The following PYHIN1 variants were observed in gnomAD, a reference collection of about 807,000 sequenced individuals.
PYHIN1 encodes pyrin and HIN domain-containing protein 1.
A neutral mutation model predicts 43.7 loss-of-function variants in PYHIN1; 32 were observed. That is an observed-to-expected ratio of 0.73 (90% CI 0.55 to 0.98). PYHIN1 has a LOEUF of 0.98. Ranked by LOEUF, PYHIN1 falls within the 50% of genes least tolerant of loss-of-function variation. The pLI is 0.00. For missense variants in PYHIN1, 588 were observed against 589.5 expected, an observed-to-expected ratio of 1.00 and a Z score of 0.03; for synonymous variants, 205 against 203.1, an observed-to-expected ratio of 1.01 and a Z score of -0.08.
At chr1:158,985,351 T>C in the PYHIN1 span, among the ~76,000 whole-genome samples, 1 of 152,218 alleles carries the variant, frequency 6.6e-6, no homozygotes, top group Non-Finnish European at 1.5e-5. Context: ...GGCCTAATGG[T>C]AACAAATTCG....
rs1170616833 is a variant in PYHIN1 at position 158,933,534 on chromosome 1, C to G, written c.-21+1758C>G. On this transcript the variant is annotated intron_variant, in intron 1 of 8. Coordinates refer to ENST00000368140, the MANE Select transcript of PYHIN1 (RefSeq NM_152501.5). This position sits in a 1 kb window ranked among gnomAD's most constrained non-coding sequence, Gnocchi z 6.3. ...AAATTTTTTTTCATCTTTCAGTGATCTTTTACTGACAACATACATATAGAA... is the reference window on the plus strand; with the variant it reads ...AAATTTTTTTTCATCTTTCAGTGATGTTTTACTGACAACATACATATAGAA... Among the ~76,000 whole-genome samples, 1 of 151,746 alleles carries G rather than the reference C, an allele frequency of 6.6e-6. No individual in the cohort carries two copies. Among genetic ancestry groups the G allele is most frequent in the Non-Finnish European group, 1.5e-5 (1 of 67,866 alleles).
intron 7 of PYHIN1, among the ~76,000 whole-genome samples, chr1:158,951,675 T>C (rs1020787765): frequency 5.3e-5 from 8 of 152,298 alleles, no homozygotes; most frequent in Middle Eastern, 3.4e-3. Flanking sequence ...TACTAGACTT[T>C]TTGGGAATGA....
chr1:158,953,201 A>C (rs1557834156), intron 7 of PYHIN1, among the ~76,000 whole-genome samples: 10 of 145,574 alleles, frequency 6.9e-5, no homozygotes, highest in Admixed American at 4.8e-4. Context: ...GCCCAGGCTT[A>C]TTAGGTAAAC....
At chr1:158,988,955 A>G in the PYHIN1 span, among the ~76,000 whole-genome samples, 1 of 152,178 alleles carries the variant, frequency 6.6e-6, no homozygotes, top group Non-Finnish European at 1.5e-5. Context: ...TTCAGCTGAC[A>G]TGCTGTCAGC....
At chr1:158,974,383 T>G (rs1047846818) in intron 8 of PYHIN1, among the ~76,000 whole-genome samples, 1 of 152,104 alleles carries the variant, frequency 6.6e-6, no homozygotes, top group African/African-American at 2.4e-5. Context: ...AATAATAAAG[T>G]GTTTTTCAAC....
rs959228932 is a variant in PYHIN1, at chr1:158,933,120, C to G, written c.-21+1344C>G. ...TATAAGACGGTATTTTCTTGTACTCCTCTCAAATTCATATATATAATATAT... is the reference window on the plus strand; with the variant it reads ...TATAAGACGGTATTTTCTTGTACTCGTCTCAAATTCATATATATAATATAT... On this transcript the variant is annotated intron_variant, in intron 1 of 8. Coordinates refer to ENST00000368140, the MANE Select transcript of PYHIN1 (RefSeq NM_152501.5). This position sits in a 1 kb window ranked among gnomAD's most constrained non-coding sequence, Gnocchi z 6.3. 1.3e-5 allele frequency among the ~76,000 whole-genome samples: 2 copies of G among 151,670 alleles called. No homozygotes were observed. The highest frequency in any genetic ancestry group is 2.1e-4 in the South Asian group (1 of 4,810).
intron 6 of PYHIN1, among the ~76,000 whole-genome samples, chr1:158,944,194 T>C (rs536147678): frequency 6.6e-6 from 1 of 152,298 alleles, no homozygotes; most frequent in African/African-American, 2.4e-5. Context: ...AAACTTGTGC[T>C]AAATATTAAA....
chr1:158,970,482 C>T (rs1366312131), intron 7 of PYHIN1, among the ~76,000 whole-genome samples: 2 of 151,946 alleles, frequency 1.3e-5, no homozygotes, highest in East Asian at 1.9e-4. Context: ...TATCACATCC[C>T]CTCTACGTCC....
At chr1:158,943,255 C>T (rs1200395837) in intron 5 of PYHIN1, among the ~76,000 whole-genome samples, 1 of 152,122 alleles carries the variant, frequency 6.6e-6, no homozygotes, top group Non-Finnish European at 1.5e-5. Context: ...GAGTAATAGC[C>T]TTGATGAGCA....
At chr1:158,989,472 C>T in the PYHIN1 span, among the ~76,000 whole-genome samples, 1 of 152,108 alleles carries the variant, frequency 6.6e-6, no homozygotes, top group Admixed American at 6.5e-5. Flanking sequence ...ATGAAGTAAG[C>T]TGAGAGCATT....
chr1:158,983,953 G>T, the PYHIN1 span, among the ~76,000 whole-genome samples: 3 of 150,230 alleles, frequency 2.0e-5, no homozygotes, highest in Non-Finnish European at 3.0e-5. Flanking sequence ...GTCTTTGAGA[G>T]TTTTTGTATT....
chr1:158,933,847 AATC>A lies in PYHIN1; in HGVS notation c.-21+2073_-21+2075del, dbSNP rs929246002. Reference sequence around the variant, plus strand: ...TTCTTTTTAAGTCATAGGCACACATAATCAAGTTCGTTTTTCATTCTTACTTGT... The same window carrying A: ...TTCTTTTTAAGTCATAGGCACACATAAAGTTCGTTTTTCATTCTTACTTGT... On this transcript the variant is annotated intron_variant, in intron 1 of 8. Transcript: ENST00000368140. The surrounding 1 kb of genome is among the most constrained non-coding windows in gnomAD (Gnocchi z 6.3). 5.3e-5 allele frequency among the ~76,000 whole-genome samples: 8 copies of A among 152,056 alleles called. No individual in the cohort carries two copies. Among genetic ancestry groups the A allele is most frequent in the Middle Eastern group, 3.2e-3 (1 of 316 alleles).
chr1:158,932,172 C>T (rs192220176), intron 1 of PYHIN1, among the ~76,000 whole-genome samples: 83 of 152,194 alleles, frequency 5.5e-4, no homozygotes, highest in Admixed American at 1.4e-3. Context: ...AACATGGATA[C>T]GGCTAGAGAA....
At chr1:158,967,395 G>A (rs1461843730) in intron 7 of PYHIN1, among the ~76,000 whole-genome samples, 1 of 151,754 alleles carries the variant, frequency 6.6e-6, no homozygotes, top group Non-Finnish European at 1.5e-5. Context: ...TAACCAAGGA[G>A]GTAGTTATTA....
At chr1:158,960,827 A>G (rs1650277417) in intron 7 of PYHIN1, among the ~76,000 whole-genome samples, 1 of 152,252 alleles carries the variant, frequency 6.6e-6, no homozygotes, top group South Asian at 2.1e-4. Flanking sequence ...ACCAGAGTAT[A>G]TATTTTCTCA....
intron 7 of PYHIN1, among the ~76,000 whole-genome samples, chr1:158,951,352 A>G (rs918184628): frequency 2.0e-5 from 3 of 151,768 alleles, no homozygotes; most frequent in Non-Finnish European, 4.4e-5. Context: ...TGATCTAGCA[A>G]TTGCTGAAGT....
intron 7 of PYHIN1, among the ~76,000 whole-genome samples, chr1:158,960,814 T>C (rs1193522221): frequency 1.3e-5 from 2 of 152,220 alleles, no homozygotes; most frequent in Admixed American, 6.5e-5. Context: ...AAAATACTAG[T>C]CAACCAGAGT....
intron 7 of PYHIN1, among the ~76,000 whole-genome samples, chr1:158,956,425 C>A (rs898180260): frequency 1.3e-5 from 2 of 151,972 alleles, no homozygotes; most frequent in African/African-American, 2.4e-5. Context: ...GGGTTTCATC[C>A]CTGGGATGCA....
At chr1:158,966,902 G>A (rs1378273699) in intron 7 of PYHIN1, among the ~76,000 whole-genome samples, 1 of 151,978 alleles carries the variant, frequency 6.6e-6, no homozygotes, top group African/African-American at 2.4e-5. Context: ...CATCCAAGTA[G>A]GAAAAGAGAA....
Sources: gnomAD v4.1 joint callset for allele counts (sites outside exome capture counted in the v4.1 genomes callset) on GRCh38, gnomAD v4.1.1 for gene constraint, Gnocchi (gnomAD v3.1) non-coding constraint, MANE v1.5 for transcripts, NCBI Gene and HGNC (gene_info 2026-07-23, HGNC 2026-07-21) for gene names.